Variants in MAP3K11 observed in about 807,000 individuals in gnomAD.
MAP3K11 encodes SH3 domain-containing proline-rich kinase.
Under a neutral mutation model 84.9 loss-of-function variants are expected in MAP3K11, and 46 were observed. That is an observed-to-expected ratio of 0.54 (90% CI 0.43 to 0.69). MAP3K11 has a LOEUF of 0.69. MAP3K11 is among the 30% of genes least tolerant of loss of function. MAP3K11 has a pLI of 0.00. For missense variants in MAP3K11, 1,053 were observed against 1,198.3 expected (o/e 0.88, Z 1.79); for synonymous variants, 527 against 514.7 (o/e 1.02, Z -0.32).
At chr11:65,611,601 C>T (rs1398512390) in intron 1 of MAP3K11, 1 of 152,456 alleles carries the variant, frequency 6.6e-6, no homozygotes. Context: ...CCACCCCAAG[C>T]TCTTTCCTCC....
At chr11:65,606,149 G>A in intron 6 of MAP3K11, 68 bp from the exon 7 acceptor site, 1 of 1,491,934 alleles carries the variant, frequency 6.7e-7, no homozygotes, top group Non-Finnish European at 8.9e-7. Context: ...TCAGGCTTCA[G>A]AGATAAACTT....
intron 1 of MAP3K11, chr11:65,611,075 G>A (rs986392752): frequency 5.9e-5 from 9 of 152,382 alleles, no homozygotes; most frequent in African/African-American, 9.6e-5. Context: ...CCTCTGATAG[G>A]GACCTGGCCA....
intron 5 of MAP3K11, chr11:65,607,049 A>G (rs1375087397): frequency 5.4e-5 from 35 of 643,508 alleles, no homozygotes; most frequent in Non-Finnish European, 6.9e-5. Context: ...AACTTTCGTG[A>G]ACCCCACCCC....
At chr11:65,598,677 A>G in intron 9 of MAP3K11, 49 bp from the exon 10 acceptor site, 1 of 1,369,200 alleles carries the variant, frequency 7.3e-7, no homozygotes, top group Non-Finnish European at 9.8e-7. Flanking sequence ...CCAACTGCTG[A>G]GGTCCCCAAG....
chr11:65,602,077 C>T (rs756856288), intron 8 of MAP3K11, among the ~76,000 whole-genome samples: 1 of 151,394 alleles, frequency 6.6e-6, no homozygotes, highest in Non-Finnish European at 1.5e-5. Context: ...GTGGCACGCA[C>T]CTGTAGTCTC....
intron 8 of MAP3K11, among the ~76,000 whole-genome samples, chr11:65,602,594 C>T (rs1854467542): frequency 1.3e-5 from 2 of 151,154 alleles, no homozygotes; most frequent in South Asian, 2.1e-4. Context: ...TGTAGTGAGC[C>T]GAGATTGCAC....
chr11:65,607,499 G>A lies in MAP3K11; in HGVS notation c.1260C>T (p.Arg420=), dbSNP rs1225810767. ...GCGCCGCTCGCGTCAGCTCCTCCTC[G>A]CGGCTCAGTAGTTCCTGCGCCCGAG... is the stretch of plus-strand genomic sequence containing the variant. ...LRAKEKELLS[R]EEELTRAARE... Residue 420 remains arginine (R), a synonymous_variant, in exon 5 of 10, where the codon CGC becomes CGT. Transcript: ENST00000309100. 5.5e-5 allele frequency: 86 copies of A among 1,573,130 alleles called. 1 individual carries two copies. The Admixed American group carries it at 1.5e-3, about 28-fold the overall frequency.
At chr11:65,600,714 T>C (rs1854446540) in intron 8 of MAP3K11, among the ~76,000 whole-genome samples, 1 of 152,218 alleles carries the variant, frequency 6.6e-6, no homozygotes, top group Non-Finnish European at 1.5e-5. Flanking sequence ...TCCTTGGCTC[T>C]AGAAACTGCT....
chr11:65,607,895 C>T (rs768235592), intron 3 of MAP3K11, 27 bp downstream of exon 3: 15 of 1,610,704 alleles, frequency 9.3e-6, no homozygotes, highest in Non-Finnish European at 1.2e-5. Context: ...GAGCTCTGTA[C>T]CTCACCTGCC....
chr11:65,603,397 G>A (rs967279056), intron 8 of MAP3K11, among the ~76,000 whole-genome samples: 9 of 152,274 alleles, frequency 5.9e-5, no homozygotes, highest in African/African-American at 1.9e-4. Flanking sequence ...ACACAGCCAC[G>A]TAGTTATTGG....
intron 6 of MAP3K11, 32 bp downstream of exon 6, chr11:65,606,659 C>A (rs777856021): frequency 6.9e-7 from 1 of 1,457,230 alleles, no homozygotes. Context: ...AGCTGGGGGG[C>A]GGAGAGGGGC....
intron 1 of MAP3K11, 121 bp downstream of exon 1, chr11:65,612,897 C>T: frequency 8.2e-7 from 1 of 1,226,100 alleles, no homozygotes; most frequent in Non-Finnish European, 1.1e-6. Flanking sequence ...CCCTGGTCAG[C>T]TGGGACCCCC....
intron 8 of MAP3K11, among the ~76,000 whole-genome samples, chr11:65,600,394 T>C (rs1316348573): frequency 2.6e-5 from 4 of 152,218 alleles, no homozygotes; most frequent in Non-Finnish European, 2.9e-5. Context: ...CTGAATGGCA[T>C]AGGGGCATTA....
At chr11:65,604,153 A>G (rs1278554899) in intron 8 of MAP3K11, among the ~76,000 whole-genome samples, 1 of 152,262 alleles carries the variant, frequency 6.6e-6, no homozygotes, top group African/African-American at 2.4e-5. Flanking sequence ...TCATGAATAT[A>G]TGGGCTAATA....
chr11:65,603,742 T>A (rs996333787), intron 8 of MAP3K11, among the ~76,000 whole-genome samples: 6 of 152,250 alleles, frequency 3.9e-5, no homozygotes, highest in Non-Finnish European at 4.4e-5. Context: ...GCTGGGCAGC[T>A]GACATCCTTT....
rs542822852 is a variant in MAP3K11, at chr11:65,597,886, G to A, written c.*405C>T. 18 of 173,042 alleles carry A rather than the reference G, an allele frequency of 1.0e-4. No homozygotes were observed. Among genetic ancestry groups the A allele is most frequent in the Non-Finnish European group, 1.7e-4 (14 of 82,256 alleles). The allele number at this position is 173,042 out of a possible 1,614,324, so 10.7% of individuals were successfully genotyped here. On this transcript the variant is annotated 3_prime_UTR_variant, in exon 10 of 10. Coordinates refer to ENST00000309100, the MANE Select transcript of MAP3K11 (RefSeq NM_002419.4). ...GCCCCAGATGACCCCCAGGGCAGGA[G>A]GTCCATGCTCTAAGCCCTAGGGCAG...
Position 65,599,518 on chromosome 11 carries a change from C to T in MAP3K11, c.2082G>A (p.Pro694=), listed in dbSNP as rs140749201. 97 of 1,488,038 alleles carry T rather than the reference C, an allele frequency of 6.5e-5. No homozygotes were observed. In the Middle Eastern group the frequency reaches 1.6e-3, roughly 25 times the overall value. The allele number at this position is 1,488,038 out of a possible 1,614,324, so 92.2% of individuals were successfully genotyped here. The change falls in exon 9 of 10, where the codon CCG becomes CCA. Residue 694 remains proline, a synonymous_variant. Transcript: ENST00000309100. ...APCPTEPPPS[P]LICFSLKTPD... is the part of the protein sequence containing the mutation. ...GCGTCTTGAGCGAGAAGCAGATGAG[C>T]GGGGAAGGGGGCGGCTCGGTCGGGC...
Position 65,606,705 on chromosome 11 carries a change from A to C in MAP3K11, c.1589T>G (p.Phe530Cys), listed in dbSNP as rs1479496615. ...GPGDSPTFPR[F>C]RAIQLEPAEP... ...AAGTTTCTTACACTGGATGGCTCGG[A>C]ACCGGGGAAAGGTGGGCGAATCCCC... Residue 530 changes from phenylalanine (F) to cysteine (C), a missense_variant, in exon 6 of 10, where the codon TTC becomes TGC. Phe to Cys is a radical substitution (Grantham distance 205, BLOSUM62 -2). Transcript: ENST00000309100. 6.2e-7 allele frequency: 1 copy of C among 1,600,388 alleles called. No homozygotes were observed. The highest frequency in any genetic ancestry group is 8.5e-7 in the Non-Finnish European group (1 of 1,174,222).
rs772677421 is a variant in MAP3K11 at position 65,613,077 on chromosome 11, T to G, written c.680A>C (p.His227Pro). The G allele has an allele frequency of 6.5e-7, 1 of 1,537,768 alleles. No homozygotes were observed. Reference sequence around the variant, plus strand: ...CACCAGGGCCTCGCAGTGCAGGTAGTGCATCCCACGGGCAATCTGCACAGC... The same window carrying G: ...CACCAGGGCCTCGCAGTGCAGGTAGGGCATCCCACGGGCAATCTGCACAGC... ...NWAVQIARGM[H>P]YLHCEALVPV... The change falls in exon 1 of 10, where the codon CAC becomes CCC. Residue 227 changes from histidine (H) to proline (P), a missense_variant. This residue lies in a region of MAP3K11 where 310 missense variants were observed against 464.5 expected (regional missense o/e 0.67). Transcript: ENST00000309100.
Sources: allele counts gnomAD v4.1 joint callset (sites outside exome capture counted in the v4.1 genomes callset), GRCh38; gene constraint gnomAD v4.1.1; regional missense constraint gnomAD v4.1.1; transcripts MANE v1.5; gene names NCBI Gene and HGNC (gene_info 2026-07-23, HGNC 2026-07-21).